Variants in GNB5 observed in about 807,000 individuals in gnomAD.
GNB5 encodes guanine nucleotide-binding protein subunit beta-5.
Under a neutral mutation model 55.3 loss-of-function variants are expected in GNB5, and 37 were observed. That is an observed-to-expected ratio of 0.67 (90% confidence interval 0.51 to 0.88). GNB5 has a LOEUF of 0.88. GNB5 is among the 40% of genes least tolerant of loss of function. The pLI, the probability that GNB5 is intolerant of heterozygous loss-of-function variation, is 0.00. For synonymous variants in GNB5, 219 were observed against 198.5 expected, an observed-to-expected ratio of 1.10 and a Z score of -0.87; for missense variants, 476 against 515.3, an observed-to-expected ratio of 0.92 and a Z score of 0.74.
At position 52,169,538 on chromosome 15, in the gene GNB5, C is replaced by CAAAAAAA. The variant is rs60470864; in HGVS notation, c.238+10223_238+10229dup. 7.9e-3 allele frequency among the ~76,000 whole-genome samples: 561 copies of CAAAAAAA among 71,416 alleles called. 1 individual carries two copies. Among genetic ancestry groups the CAAAAAAA allele is most frequent in the South Asian group, 0.011 (14 of 1,330 alleles). 46.9% of individuals were successfully genotyped at this position (71,416 alleles called of 152,430 possible). A position where few individuals can be genotyped will look rare whatever the true frequency, so the allele number is the denominator to read the frequency against. ...GGGTGACAAGAGCGAGACTCTGTCT[C>CAAAAAAA]AAAAAAAAAAAAAAAAAAAAAAAAA... On this transcript the variant is annotated intron_variant, in intron 3 of 12. Coordinates refer to ENST00000261837, the MANE Select transcript of GNB5 (RefSeq NM_016194.4).
At chr15:52,145,871 G>A (rs1318739052) in intron 6 of GNB5, among the ~76,000 whole-genome samples, 4 of 150,512 alleles carry the variant, frequency 2.7e-5, no homozygotes. Flanking sequence ...CTGATTATAA[G>A]AAGAAAAATC....
At chr15:52,138,665 T>C (rs2033784071) in intron 7 of GNB5, 1 of 152,184 alleles carries the variant, frequency 6.6e-6, no homozygotes, top group Admixed American at 6.5e-5. Context: ...CCACACCCAC[T>C]AGTGGCTGTT....
At chr15:52,125,878 T>G (rs554759530) in intron 11 of GNB5, 70 bp downstream of exon 11, 1 of 705,134 alleles carries the variant, frequency 1.4e-6, no homozygotes, top group African/African-American at 1.8e-5. Context: ...AACTGAGCGA[T>G]GATGGAGCGC....
intron 9 of GNB5, 98 bp from the exon 10 acceptor site, chr15:52,128,342 G>C: frequency 1.3e-6 from 1 of 791,430 alleles, no homozygotes; most frequent in Non-Finnish European, 2.2e-6. Flanking sequence ...TCTATTTCTA[G>C]GGACTCAAGG....
At chr15:52,135,852 AACACACACAC>A (rs57732678) in intron 7 of GNB5, 96 bp from the exon 8 acceptor site, 118 of 552,466 alleles carry the variant, frequency 2.1e-4, no homozygotes, top group African/African-American at 7.1e-4. Context: ...GGAAAAGCAG[AACACACACAC>A]ACACACACAC....
At position 52,184,602 on chromosome 15, in the gene GNB5, T is replaced by C; in HGVS notation, c.75A>G (p.Pro25=). Reference sequence around the variant, plus strand: ...TGAGTTGTTGAGACTTCTTGAAAACTGGTCTCAGAGCTCGTTGTTTGAAAC... The same window carrying C: ...TGAGTTGTTGAGACTTCTTGAAAACCGGTCTCAGAGCTCGTTGTTTGAAAC... ...DKCFKQRALR[P]VFKKSQQLSY... is the part of the protein sequence containing the mutation. Residue 25 remains proline (P), a synonymous_variant, in exon 2 of 13, where the codon CCA becomes CCG. Transcript: ENST00000261837. 1 of 1,612,662 alleles carries C rather than the reference T, an allele frequency of 6.2e-7. No homozygotes were observed. Among genetic ancestry groups the C allele is most frequent in the Non-Finnish European group, 8.5e-7 (1 of 1,178,618 alleles).
chr15:52,147,138 T>C (rs904317448), intron 6 of GNB5: 6 of 224,696 alleles, frequency 2.7e-5, no homozygotes, highest in Non-Finnish European at 2.7e-5. Context: ...GTAATGAAAA[T>C]AATTATGAAA....
At chr15:52,158,102 C>T (rs1393937886) in intron 3 of GNB5, among the ~76,000 whole-genome samples, 1 of 151,792 alleles carries the variant, frequency 6.6e-6, no homozygotes, top group Non-Finnish European at 1.5e-5. Context: ...TAAGAAATTC[C>T]ACTAGCTCTA....
chr15:52,155,649 C>T (rs937721353), intron 3 of GNB5, among the ~76,000 whole-genome samples: 3 of 152,166 alleles, frequency 2.0e-5, no homozygotes, highest in African/African-American at 7.2e-5. Flanking sequence ...ATTTAGCCTC[C>T]AGTTATATTT....
chr15:52,173,354 C>T (rs2034588700), intron 3 of GNB5, among the ~76,000 whole-genome samples: 1 of 152,210 alleles, frequency 6.6e-6, no homozygotes, highest in African/African-American at 2.4e-5. Context: ...GGATTACAGG[C>T]ATGAGCCACC....
At chr15:52,148,825 T>C (rs974592267) in intron 5 of GNB5, among the ~76,000 whole-genome samples, 4 of 152,172 alleles carry the variant, frequency 2.6e-5, no homozygotes, top group African/African-American at 9.7e-5. Flanking sequence ...CGAGCTGAGG[T>C]AGCCACTCTC....
intron 3 of GNB5, among the ~76,000 whole-genome samples, chr15:52,172,415 C>T (rs1156445525): frequency 1.3e-5 from 2 of 152,112 alleles, no homozygotes; most frequent in Non-Finnish European, 2.9e-5. Context: ...CAAAGTGAGC[C>T]ACCATGCCCG....
At chr15:52,141,438 T>C (rs1419581730) in intron 6 of GNB5, among the ~76,000 whole-genome samples, 166 bp from the exon 7 acceptor site, 3 of 151,998 alleles carry the variant, frequency 2.0e-5, no homozygotes, top group African/African-American at 7.2e-5. Flanking sequence ...TCTTTCTTTT[T>C]TTTTTTTTAA....
chr15:52,122,919 C>CA, intron 12 of GNB5, 151 bp from the exon 13 acceptor site: 1 of 675,922 alleles, frequency 1.5e-6, no homozygotes, highest in Non-Finnish European at 2.7e-6. Context: ...CATACACACT[C>CA]CATCCAAAAT....
At chr15:52,180,108 C>T (rs2034742735) in intron 2 of GNB5, 1 of 371,918 alleles carries the variant, frequency 2.7e-6, no homozygotes, top group Non-Finnish European at 4.4e-6. Context: ...CAGCCTCTCT[C>T]CTCCGGGAGA....
chr15:52,139,672 A>G (rs566188744), intron 7 of GNB5: 11 of 459,854 alleles, frequency 2.4e-5, no homozygotes, highest in Non-Finnish European at 3.8e-5. Flanking sequence ...CAGCGGAGCC[A>G]AGATCCAATC....
At chr15:52,137,874 A>G (rs1243227906) in intron 7 of GNB5, 8 of 1,286,854 alleles carry the variant, frequency 6.2e-6, no homozygotes, top group South Asian at 2.5e-5. Flanking sequence ...TGAGGTGATA[A>G]GACCGTGGAG....
intron 1 of GNB5, among the ~76,000 whole-genome samples, chr15:52,190,881 T>C (rs2034916987): frequency 6.8e-6 from 1 of 147,634 alleles, no homozygotes; most frequent in African/African-American, 2.5e-5. Context: ...TGTTCACCAG[T>C]CACAGACGAA....
chr15:52,158,364 C>G (rs1427425054), intron 3 of GNB5, among the ~76,000 whole-genome samples: 1 of 152,178 alleles, frequency 6.6e-6, no homozygotes, highest in Non-Finnish European at 1.5e-5. Flanking sequence ...TCCAGCATGG[C>G]GTACAGTGAG....
Sources: allele counts gnomAD v4.1 joint callset (sites outside exome capture counted in the v4.1 genomes callset), GRCh38; gene constraint gnomAD v4.1.1; transcripts MANE v1.5; gene names NCBI Gene and HGNC (gene_info 2026-07-23, HGNC 2026-07-21).